UBXN2B: variants seen among roughly 807,000 people sequenced by gnomAD.
UBXN2B encodes the protein UBX domain protein 2B, also known as UBX domain-containing protein 2B.
UBXN2B carries 19 observed loss-of-function variants against 37.5 expected under a neutral mutation model. The observed-to-expected ratio is 0.51, with a 90% CI of 0.35 to 0.74. The LOEUF (loss-of-function observed/expected upper bound fraction) is 0.74, where lower values mean the gene tolerates loss of function less well. Among genes scored for constraint, UBXN2B ranks in the 30% least tolerant of loss-of-function variants. The probability of loss-of-function intolerance (pLI) is 0.01; values close to 1 mark genes in which losing one functional copy is unlikely to be tolerated. For synonymous variants in UBXN2B, 145 were observed against 143.8 expected (o/e 1.01, Z -0.06); for missense variants, 370 against 393.2 (o/e 0.94, Z 0.50).
In UBXN2B at chr8:58,423,930, G is replaced by A. The variant is rs567187638; in HGVS notation, c.189-6589G>A. Among the ~76,000 whole-genome samples the A allele has an allele frequency of 2.8e-3, 419 of 150,978 alleles. 2 individuals are homozygous for A. The highest frequency in any genetic ancestry group is 5.0e-3 in the Non-Finnish European group (338 of 67,742). On this transcript the variant is annotated intron_variant, in intron 2 of 7. Coordinates refer to ENST00000399598, the MANE Select transcript of UBXN2B (RefSeq NM_001077619.2). ...AAAAGCCAAACTGTAATTGGTCATC[G>A]GCTGGAAAAAAAAAAAGCTACACCT...
At chr8:58,419,111 TTATC>T (rs1166075769) in intron 2 of UBXN2B, among the ~76,000 whole-genome samples, 4 of 152,220 alleles carry the variant, frequency 2.6e-5, no homozygotes, top group African/African-American at 7.2e-5. Flanking sequence ...CTAGAATAAT[TTATC>T]TATCAAAAGA....
intron 2 of UBXN2B, among the ~76,000 whole-genome samples, chr8:58,427,335 C>A (rs183188794): frequency 6.6e-6 from 1 of 152,100 alleles, no homozygotes; most frequent in South Asian, 2.1e-4. Context: ...TGGTGGTGCA[C>A]GCCTGTAGTC....
At chr8:58,417,045 G>A (rs1004343278) in intron 2 of UBXN2B, 92 bp downstream of exon 2, 23 of 1,008,012 alleles carry the variant, frequency 2.3e-5, no homozygotes, top group Non-Finnish European at 3.2e-5. Flanking sequence ...CTTCTTCAAG[G>A]TTTCTTCAAT....
At chr8:58,436,123 A>G (rs976713698) in intron 5 of UBXN2B, among the ~76,000 whole-genome samples, 1 of 150,462 alleles carries the variant, frequency 6.6e-6, no homozygotes, top group Non-Finnish European at 1.5e-5. Flanking sequence ...GCAGTCTAGC[A>G]CTTCCTATGT....
chr8:58,446,125 C>T, intron 7 of UBXN2B, 57 bp downstream of exon 7: 3 of 1,460,626 alleles, frequency 2.1e-6, no homozygotes, highest in Non-Finnish European at 1.8e-6. Context: ...GATTGCTTAT[C>T]TAAGTAGAAC....
intron 2 of UBXN2B, chr8:58,425,728 C>T (rs765156815): frequency 5.2e-5 from 61 of 1,176,126 alleles, no homozygotes; most frequent in Middle Eastern, 2.9e-4. Flanking sequence ...TAAGGGGCTA[C>T]GTGAGTTGTA....
rs372417333 is a variant in UBXN2B, at chr8:58,425,438, G to T, written c.189-5081G>T. 12 of 1,133,796 alleles carry T rather than the reference G, an allele frequency of 1.1e-5. No individual in the cohort carries two copies. The African/African-American group carries it at 1.7e-4, about 16-fold the overall frequency. The allele number at this position is 1,133,796 out of a possible 1,614,324, so 70.2% of individuals were successfully genotyped here. Reference sequence around the variant, plus strand: ...TTGTTACACTTGGTTTCAAATTTGGGCATGATGATATTTGCATTGATGTCA... The same window carrying T: ...TTGTTACACTTGGTTTCAAATTTGGTCATGATGATATTTGCATTGATGTCA... On this transcript the variant is annotated intron_variant, in intron 2 of 7. Coordinates refer to ENST00000399598, the MANE Select transcript of UBXN2B (RefSeq NM_001077619.2).
In UBXN2B at chr8:58,425,151, C is replaced by G; in HGVS notation, c.189-5368C>G. On this transcript the variant is annotated intron_variant, in intron 2 of 7. Coordinates refer to ENST00000399598, the MANE Select transcript of UBXN2B (RefSeq NM_001077619.2). Reference sequence around the variant, plus strand: ...AGACCATTCTCTCCATATTCCCTTGCCCAACCTTTGAAAGTTTAAGTTCTC... The same window carrying G: ...AGACCATTCTCTCCATATTCCCTTGGCCAACCTTTGAAAGTTTAAGTTCTC... 4.7e-6 allele frequency: 4 copies of G among 857,976 alleles called. No individual in the cohort carries two copies. The South Asian group carries it at 5.3e-5, about 11-fold the overall frequency. The allele number at this position is 857,976 out of a possible 1,614,324, so 53.1% of individuals were successfully genotyped here. A position where few individuals can be genotyped will look rare whatever the true frequency, so the allele number is the denominator to read the frequency against.
Position 58,436,589 on chromosome 8 carries a change from G to A in UBXN2B, c.533+2085G>A, listed in dbSNP as rs866482603. ...CTCATGTTGAAATGTGACCTCCACT[G>A]TTGGGGGTGGGCCTGTGGGAGGTGT... On this transcript the variant is annotated intron_variant, in intron 5 of 7. Coordinates refer to ENST00000399598, the MANE Select transcript of UBXN2B (RefSeq NM_001077619.2). Among the ~76,000 whole-genome samples, 33 of 152,340 alleles carry A rather than the reference G, an allele frequency of 2.2e-4. No homozygotes were observed. The Middle Eastern group carries it at 0.01, about 47-fold the overall frequency.
intron 2 of UBXN2B, among the ~76,000 whole-genome samples, chr8:58,428,382 A>T (rs1001368441): frequency 6.6e-6 from 1 of 152,220 alleles, no homozygotes; most frequent in African/African-American, 2.4e-5. Flanking sequence ...ACAAAAGTAT[A>T]CAAATTGGAA....
chr8:58,425,415 G>C (rs1808055760), intron 2 of UBXN2B: 10 of 1,135,990 alleles, frequency 8.8e-6, no homozygotes, highest in Non-Finnish European at 1.3e-5. Context: ...GCTTTGAATT[G>C]TTACACTTGG....
intron 2 of UBXN2B, among the ~76,000 whole-genome samples, chr8:58,430,270 G>A (rs139630842): frequency 3.7e-4 from 56 of 152,332 alleles, no homozygotes; most frequent in African/African-American, 1.3e-3. Flanking sequence ...CAGCAAGCAA[G>A]CCAGTTGCCG....
At position 58,450,153 on chromosome 8, in the gene UBXN2B, G is replaced by A. The variant is rs1454394879; in HGVS notation, c.*2602G>A. On this transcript the variant is annotated 3_prime_UTR_variant, in exon 8 of 8. Transcript: ENST00000399598. ...TCTCTAGAGTAAAGGCTGTCCTGACGGTGAATCTTAGTTTTAGTGGCTTTT... is the reference window on the plus strand; with the variant it reads ...TCTCTAGAGTAAAGGCTGTCCTGACAGTGAATCTTAGTTTTAGTGGCTTTT... 4 of 152,146 alleles carry A rather than the reference G, an allele frequency of 2.6e-5. No individual in the cohort carries two copies. The highest frequency in any genetic ancestry group is 4.8e-5 in the African/African-American group (2 of 41,432). The allele number at this position is 152,146 out of a possible 1,614,324, so 9.4% of individuals were successfully genotyped here.
intron 2 of UBXN2B, among the ~76,000 whole-genome samples, chr8:58,419,670 A>G (rs1029184522): frequency 3.9e-5 from 6 of 152,386 alleles, no homozygotes; most frequent in African/African-American, 1.4e-4. Context: ...CTGGGCCTTA[A>G]AAGGATTTAA....
At chr8:58,445,812 G>C in intron 6 of UBXN2B, 95 bp from the exon 7 acceptor site, 1 of 1,078,784 alleles carries the variant, frequency 9.3e-7, no homozygotes, top group South Asian at 2.1e-5. Context: ...AAGTATAGGA[G>C]ACTCAAATGA....
In UBXN2B at chr8:58,416,498, G is replaced by A. The variant is rs76642901; in HGVS notation, c.85-352G>A. On this transcript the variant is annotated intron_variant, in intron 1 of 7. Coordinates refer to ENST00000399598, the MANE Select transcript of UBXN2B (RefSeq NM_001077619.2). ...ATGAGATCTGATGGAAGAAGCTGAC[G>A]TTAGTGTGAACATCTTCAGGAATTC... Among the ~76,000 whole-genome samples, 475 of 152,202 alleles carry A rather than the reference G, an allele frequency of 3.1e-3. 3 individuals carry two copies. The highest frequency in any genetic ancestry group is 0.011 in the African/African-American group (441 of 41,568).
intron 2 of UBXN2B, among the ~76,000 whole-genome samples, chr8:58,419,001 A>T (rs1807855509): frequency 6.6e-6 from 1 of 152,208 alleles, no homozygotes; most frequent in Non-Finnish European, 1.5e-5. Context: ...AAGATATTTC[A>T]GTGAAGGGTT....
rs1216232226 is a variant in UBXN2B at position 58,439,761 on chromosome 8, A to C, written c.662A>C (p.Lys221Thr). Residue 221 changes from lysine to threonine, a missense_variant, in exon 6 of 8, where the codon AAA becomes ACA. Physicochemically the swap from Lys to Thr is moderately conservative, Grantham distance 78. Around this residue, in one of 3 missense-constraint regions of UBXN2B, gnomAD observed 90 missense variants for 139.4 expected, o/e 0.65. Coordinates refer to ENST00000399598, the MANE Select transcript of UBXN2B (RefSeq NM_001077619.2). ...RFKAFSGEGQ[K>T]LGSLTPEIVS... ...AAGGCTTTTAGTGGAGAAGGGCAAA[A>C]ACTTGGAAGGTAAAAATCCTAAAAT... 3 of 1,595,700 alleles carry C rather than the reference A, an allele frequency of 1.9e-6. No individual in the cohort carries two copies. In the East Asian group the frequency reaches 6.7e-5, roughly 36 times the overall value.
At chr8:58,423,811 G>A (rs1807999518) in intron 2 of UBXN2B, among the ~76,000 whole-genome samples, 1 of 151,606 alleles carries the variant, frequency 6.6e-6, no homozygotes, top group Admixed American at 6.6e-5. Context: ...CAAAAACACT[G>A]GTCATTCATA....
Sources: allele counts gnomAD v4.1 joint callset (sites outside exome capture counted in the v4.1 genomes callset), GRCh38; gene constraint gnomAD v4.1.1; regional missense constraint gnomAD v4.1.1; transcripts MANE v1.5; gene names NCBI Gene and HGNC (gene_info 2026-07-23, HGNC 2026-07-21).